CACNA1G: variants seen among roughly 807,000 people sequenced by gnomAD.
CACNA1G encodes calcium voltage-gated channel subunit alpha1 G, also known as voltage-dependent T-type calcium channel subunit alpha-1G.
A neutral mutation model predicts 219.4 loss-of-function variants in CACNA1G; 67 were observed. That is an observed-to-expected ratio of 0.31 (90% CI 0.25 to 0.37). The LOEUF is 0.37. Among genes scored for constraint, CACNA1G ranks in the 10% least tolerant of loss-of-function variants. The pLI, the probability that CACNA1G is intolerant of heterozygous loss-of-function variation, is 1.00. For missense variants in CACNA1G, 2,380 were observed against 3,231.4 expected (o/e 0.74, Z 6.39); for synonymous variants, 1,296 against 1,345.3 (o/e 0.96, Z 0.80).
At chr17:50,593,907 G>A (rs2044923038) in intron 13 of CACNA1G, among the ~76,000 whole-genome samples, 1 of 152,252 alleles carries the variant, frequency 6.6e-6, no homozygotes, top group Admixed American at 6.5e-5. Flanking sequence ...GTCCTTCGAT[G>A]CCCATGGCCT....
At chr17:50,610,911 C>A (rs541963079) in intron 26 of CACNA1G, among the ~76,000 whole-genome samples, 4 of 152,106 alleles carry the variant, frequency 2.6e-5, no homozygotes, top group Non-Finnish European at 4.4e-5. Context: ...GTCTGTGGGG[C>A]CTTAACACAG....
intron 1 of CACNA1G, among the ~76,000 whole-genome samples, chr17:50,565,775 A>G (rs2037654152): frequency 6.6e-6 from 1 of 152,122 alleles, no homozygotes; most frequent in Admixed American, 6.5e-5. Context: ...ATAAAGCCCC[A>G]CACAGAGGAC....
chr17:50,596,412 G>T lies in CACNA1G; in HGVS notation c.2980-150G>T. On this transcript the variant is annotated intron_variant, in intron 14 of 37. Transcript: ENST00000359106. This position sits in a 1 kb window ranked among gnomAD's most constrained non-coding sequence, Gnocchi z 4.8. ...AAGCCTCGGGCCCCAAGCCTGGGGGGTCTGGCCTGCGCCGTGCATGTCTCG... is the reference window on the plus strand; with the variant it reads ...AAGCCTCGGGCCCCAAGCCTGGGGGTTCTGGCCTGCGCCGTGCATGTCTCG... 1.5e-6 allele frequency: 1 copy of T among 665,514 alleles called. No individual in the cohort carries two copies. The allele number at this position is 665,514 out of a possible 1,614,324, so 41.2% of individuals were successfully genotyped here. A position where few individuals can be genotyped will look rare whatever the true frequency, so the allele number is the denominator to read the frequency against.
chr17:50,565,612 C>T (rs1487386329), intron 1 of CACNA1G, among the ~76,000 whole-genome samples: 1 of 152,146 alleles, frequency 6.6e-6, no homozygotes, highest in Non-Finnish European at 1.5e-5. Flanking sequence ...CATTTCCAGG[C>T]TCCTAGGTGG....
rs2046262842 is a variant in CACNA1G, at chr17:50,599,850, G to C, written c.3681G>C (p.Glu1227Asp). 6.2e-7 allele frequency: 1 copy of C among 1,606,144 alleles called. No individual in the cohort carries two copies. Among genetic ancestry groups the C allele is most frequent in the Non-Finnish European group, 8.5e-7 (1 of 1,179,214 alleles). ...PPLDGDDADD[E>D]GNLSKGERVR... is the part of the protein sequence containing the mutation. ...TGGATGGGGATGACGCCGATGACGA[G>C]GGCAACCTGGTGAGGCCCCTGTGGG... The change falls in exon 17 of 38, where the codon GAG (glutamate) becomes GAC (aspartate). Residue 1227 changes from glutamate to aspartate, a missense_variant. Physicochemically the swap from Glu to Asp is conservative, Grantham distance 45. Around this residue, in one of 17 missense-constraint regions of CACNA1G, gnomAD observed 418 missense variants for 434.3 expected, o/e 0.96. Coordinates refer to ENST00000359106, the MANE Select transcript of CACNA1G (RefSeq NM_018896.5).
chr17:50,621,623 T>A lies in CACNA1G; in HGVS notation c.5926-37T>A. ...GTGTGCACGCGCGTGTGCGCTGTCC[T>A]GGTTTCTCATGCCTGATCATCTCTC... On this transcript the variant is annotated intron_variant, in intron 34 of 37. Coordinates refer to ENST00000359106, the MANE Select transcript of CACNA1G (RefSeq NM_018896.5). This position sits in a 1 kb window ranked among gnomAD's most constrained non-coding sequence, Gnocchi z 4.6. The A allele has an allele frequency of 6.2e-7, 1 of 1,609,412 alleles. No individual in the cohort carries two copies. Among genetic ancestry groups the A allele is most frequent in the Non-Finnish European group, 8.5e-7 (1 of 1,176,640 alleles).
At chr17:50,568,180 G>T (rs748641180) in intron 1 of CACNA1G, among the ~76,000 whole-genome samples, 17 of 152,152 alleles carry the variant, frequency 1.1e-4, no homozygotes, top group Non-Finnish European at 2.1e-4. Context: ...CTTACACCTA[G>T]TGCCAGGGCG....
chr17:50,596,703 G>T lies in CACNA1G; in HGVS notation c.3065-27G>T, dbSNP rs369771488. On this transcript the variant is annotated intron_variant, in intron 15 of 37. Coordinates refer to ENST00000359106, the MANE Select transcript of CACNA1G (RefSeq NM_018896.5). The surrounding 1 kb of genome is among the most constrained non-coding windows in gnomAD (Gnocchi z 4.8). ...CCCTGGGCCAGCCCTGTGTGGACTC[G>T]GGATCTCTCCCTCTCTCCCCGTGCA... 3.1e-6 allele frequency: 5 copies of T among 1,612,862 alleles called. No individual in the cohort carries two copies. Among genetic ancestry groups the T allele is most frequent in the Non-Finnish European group, 2.5e-6 (3 of 1,179,474 alleles).
Position 50,612,058 on chromosome 17 carries a change from G to T in CACNA1G, c.4759+2123G>T, listed in dbSNP as rs1283515655. On this transcript the variant is annotated intron_variant, in intron 26 of 37. Transcript: ENST00000359106. ...CACTTCCTAGGACCTGGAGTTCTGCGTGGCCTATGCCAGAGCTTTTCAAAC... is the reference window on the plus strand; with the variant it reads ...CACTTCCTAGGACCTGGAGTTCTGCTTGGCCTATGCCAGAGCTTTTCAAAC... Among the ~76,000 whole-genome samples the T allele has an allele frequency of 2.0e-5, 3 of 152,370 alleles. No individual in the cohort carries two copies. The East Asian group carries it at 5.8e-4, about 29-fold the overall frequency.
rs116641578 is a variant in CACNA1G, at chr17:50,599,385, G to T, written c.3259-43G>T. On this transcript the variant is annotated intron_variant, in intron 16 of 37. Coordinates refer to ENST00000359106, the MANE Select transcript of CACNA1G (RefSeq NM_018896.5). The stretch of plus-strand genomic sequence containing the variant: ...CGGGTGCACATGAGAGGACAGGGCT[G>T]CTGGGCCCTGCCTGAGACCACTCCT... 1.9e-3 allele frequency: 2,836 copies of T among 1,481,096 alleles called. 56 individuals are homozygous for T. In the African/African-American group the frequency reaches 0.035, roughly 18 times the overall value. 91.7% of individuals were successfully genotyped at this position (1,481,096 alleles called of 1,614,324 possible). A position where few individuals can be genotyped will look rare whatever the true frequency, so the allele number is the denominator to read the frequency against.
At chr17:50,605,867 C>T (rs1475861126) in intron 22 of CACNA1G, 31 bp from the exon 23 acceptor site, 1 of 1,612,428 alleles carries the variant, frequency 6.2e-7, no homozygotes, top group Admixed American at 1.7e-5. Context: ...TCACAGCTCA[C>T]TTTTCTCTGT....
chr17:50,605,588 C>A (rs1041588932), intron 22 of CACNA1G, among the ~76,000 whole-genome samples: 14 of 152,226 alleles, frequency 9.2e-5, no homozygotes, highest in African/African-American at 3.4e-4. Context: ...TAGCATGTTC[C>A]CAGATGATGC....
intron 26 of CACNA1G, among the ~76,000 whole-genome samples, chr17:50,613,111 C>T (rs908193544): frequency 6.6e-6 from 1 of 152,228 alleles, no homozygotes; most frequent in Non-Finnish European, 1.5e-5. Context: ...TGTGTCTGTA[C>T]CCACCTGGCA....
Position 50,602,807 on chromosome 17 carries a change from C to A in CACNA1G, c.3916-13C>A, listed in dbSNP as rs772825409. ...CTTCCTGGCGGGCAACCCCTGCCTC[C>A]CCTCTCTTGCAGGAACGCATCTTCC... On this transcript the variant is annotated splice_polypyrimidine_tract_variant and intron_variant, in intron 19 of 37. Transcript: ENST00000359106. The A allele has an allele frequency of 3.1e-6, 5 of 1,613,458 alleles. No individual in the cohort carries two copies. Among genetic ancestry groups the A allele is most frequent in the Non-Finnish European group, 4.2e-6 (5 of 1,179,680 alleles).
chr17:50,608,273 C>T (rs2048373534), intron 25 of CACNA1G, among the ~76,000 whole-genome samples: 1 of 152,110 alleles, frequency 6.6e-6, no homozygotes, highest in Non-Finnish European at 1.5e-5. Context: ...GCATCATCCT[C>T]CCCAGATGAT....
chr17:50,605,918 C>T lies in CACNA1G; in HGVS notation c.4317C>T (p.Phe1439=), dbSNP rs746751387. ...TCCAGCTCTTCAAAGGGAAGTTTTT[C>T]GTGTGCCAGGGCGAGGATACCAGGA... ...LGVQLFKGKF[F]VCQGEDTRNI... is the part of the protein sequence containing the mutation. The change falls in exon 23 of 38, where the codon TTC becomes TTT. Residue 1439 remains phenylalanine (F), a synonymous_variant. Transcript: ENST00000359106. 6.2e-7 allele frequency: 1 copy of T among 1,613,408 alleles called. No individual in the cohort carries two copies. The highest frequency in any genetic ancestry group is 8.5e-7 in the Non-Finnish European group (1 of 1,179,882).
chr17:50,588,726 C>A (rs1228447460), intron 9 of CACNA1G, among the ~76,000 whole-genome samples: 2 of 152,078 alleles, frequency 1.3e-5, no homozygotes, highest in Admixed American at 1.3e-4. Context: ...AGCCACTCCC[C>A]CTCTGCATAG....
chr17:50,615,661 G>A, intron 27 of CACNA1G, 149 bp downstream of exon 27: 1 of 791,368 alleles, frequency 1.3e-6, no homozygotes, highest in Non-Finnish European at 1.9e-6. Context: ...TTGGAGGTGG[G>A]TATCATCTTT....
In CACNA1G at chr17:50,561,247, G is replaced by C. The variant is rs1302707297; in HGVS notation, c.-213G>C. ...CGCAGGGGAAGCGGGACTCGCGCCG[G>C]GCGGGGTTTCCCTGCGCCCCGGCGC... On this transcript the variant is annotated 5_prime_UTR_variant, in exon 1 of 38. Transcript: ENST00000359106. 1 of 557,758 alleles carries C rather than the reference G, an allele frequency of 1.8e-6. No homozygotes were observed. Among genetic ancestry groups the C allele is most frequent in the East Asian group, 3.3e-5 (1 of 30,446 alleles). The allele number at this position is 557,758 out of a possible 1,614,324, so 34.6% of individuals were successfully genotyped here.
Sources: gnomAD v4.1 joint callset for allele counts (sites outside exome capture counted in the v4.1 genomes callset) on GRCh38, gnomAD v4.1.1 for gene constraint, gnomAD v4.1.1 regional missense constraint, Gnocchi (gnomAD v3.1) non-coding constraint, MANE v1.5 for transcripts, NCBI Gene and HGNC (gene_info 2026-07-23, HGNC 2026-07-21) for gene names.